The following NPAT variants were observed in gnomAD, a reference collection of about 807,000 sequenced individuals.
NPAT encodes nuclear protein, coactivator of histone transcription.
In NPAT, 52 loss-of-function variants were observed where a neutral mutation model predicts 130.7. The ratio of observed to expected loss-of-function variants is 0.40; its 90% confidence interval spans 0.32 to 0.50. NPAT has a LOEUF of 0.50. Ranked by LOEUF, NPAT falls within the 20% of genes least tolerant of loss-of-function variation. The pLI is 0.68. For synonymous variants in NPAT, 580 were observed against 584.8 expected (o/e 0.99, Z 0.12); for missense variants, 1,687 against 1,662.6 (o/e 1.01, Z -0.26).
At chr11:108,202,570 C>T (rs1225732567) in intron 1 of NPAT, among the ~76,000 whole-genome samples, 3 of 152,174 alleles carry the variant, frequency 2.0e-5, no homozygotes, top group Non-Finnish European at 4.4e-5. Context: ...TCAGCAAGCC[C>T]TCCACCTAGG....
chr11:108,181,055 A>G, intron 10 of NPAT, among the ~76,000 whole-genome samples: 1 of 152,230 alleles, frequency 6.6e-6, no homozygotes. Context: ...CAGGAGTTGT[A>G]AATAAGAGCT....
chr11:108,190,431 G>T (rs1591403099), intron 5 of NPAT, 29 bp downstream of exon 5: 2 of 1,569,906 alleles, frequency 1.3e-6, no homozygotes, highest in Non-Finnish European at 1.7e-6. Context: ...TGAAGTAATT[G>T]TGAACATTGT....
rs756830172 is a variant in NPAT, at chr11:108,172,268, A to G, written c.2716T>C (p.Leu906=). 2.5e-6 allele frequency: 4 copies of G among 1,613,978 alleles called. No individual in the cohort carries two copies. In the South Asian group the frequency reaches 3.3e-5, roughly 13 times the overall value. ...CTGTTTGACCTTGGTGGTGTCTGTA[A>G]CTGAGGTGGTAGAGGTTGAGCAGTC... ...PMTAQPLPPQ[L]QTPPRSNSVF... The change falls in exon 13 of 18, where the codon TTA becomes CTA. Residue 906 remains leucine, a synonymous_variant. Transcript: ENST00000278612.
At chr11:108,200,510 C>A (rs2078265267) in intron 1 of NPAT, among the ~76,000 whole-genome samples, 1 of 152,070 alleles carries the variant, frequency 6.6e-6, no homozygotes, top group South Asian at 2.1e-4. Flanking sequence ...ATTAATTAAC[C>A]CAGAAGTCTG....
intron 12 of NPAT, among the ~76,000 whole-genome samples, chr11:108,175,052 A>G (rs2077991460): frequency 6.6e-6 from 1 of 152,224 alleles, no homozygotes; most frequent in Non-Finnish European, 1.5e-5. Context: ...GCAGTCTCCC[A>G]TTATCTGTAG....
At chr11:108,177,525 T>C (rs1481861518) in intron 10 of NPAT, among the ~76,000 whole-genome samples, 6 of 152,134 alleles carry the variant, frequency 3.9e-5, no homozygotes, top group Admixed American at 2.6e-4. Context: ...ACTTTTTATG[T>C]AGTAGCATTC....
Position 108,172,930 on chromosome 11 carries a change from A to C in NPAT, c.2054T>G (p.Val685Gly), listed in dbSNP as rs749067330. ...AGTGCCTTCTGGAGGCGTCAGTGCAACTTTCTCACAGTTAGCATTTCCACC... is the reference window on the plus strand; with the variant it reads ...AGTGCCTTCTGGAGGCGTCAGTGCACCTTTCTCACAGTTAGCATTTCCACC... ...SLGGNANCEK[V>G]ALTPPEGTPV... The change falls in exon 13 of 18, where the codon GTT becomes GGT. Residue 685 changes from valine to glycine, a missense_variant. Transcript: ENST00000278612. 32 of 1,614,008 alleles carry C rather than the reference A, an allele frequency of 2.0e-5. No individual in the cohort carries two copies. The highest frequency in any genetic ancestry group is 2.7e-5 in the Non-Finnish European group (32 of 1,180,022).
At position 108,206,275 on chromosome 11, in the gene NPAT, TTGCC is replaced by T. The variant is rs201274988; in HGVS notation, c.38-8859_38-8856del. On this transcript the variant is annotated intron_variant, in intron 1 of 17. Transcript: ENST00000278612. ...GAAACCTCTGTGGCTGGTGGTGCCTTTGCCTGAGTTTTGCTAGGGCCTGCTGGGT... is the reference window on the plus strand; with the variant it reads ...GAAACCTCTGTGGCTGGTGGTGCCTTTGAGTTTTGCTAGGGCCTGCTGGGT... 6.1e-3 allele frequency among the ~76,000 whole-genome samples: 936 copies of T among 152,276 alleles called. 6 individuals are homozygous for T. The highest frequency in any genetic ancestry group is 0.012 in the East Asian group (61 of 5,180).
At chr11:108,212,012 C>G (rs1565328891) in intron 1 of NPAT, among the ~76,000 whole-genome samples, 1 of 151,832 alleles carries the variant, frequency 6.6e-6, no homozygotes, top group Non-Finnish European at 1.5e-5. Context: ...AATCCAACAC[C>G]CTTTCATGAT....
At chr11:108,183,467 T>C (rs555853826) in intron 10 of NPAT, among the ~76,000 whole-genome samples, 1 of 152,040 alleles carries the variant, frequency 6.6e-6, no homozygotes, top group Non-Finnish European at 1.5e-5. Flanking sequence ...ATGGTCCAAG[T>C]AAAAAGATGT....
chr11:108,186,630 T>G (rs1301722990), intron 7 of NPAT, 61 bp from the exon 8 acceptor site: 1 of 1,314,226 alleles, frequency 7.6e-7, no homozygotes, highest in Non-Finnish European at 1.1e-6. Context: ...TAAAGATAAA[T>G]ACATATACAG....
At chr11:108,195,620 A>G (rs1188147993) in intron 2 of NPAT, among the ~76,000 whole-genome samples, 1 of 139,970 alleles carries the variant, frequency 7.1e-6, no homozygotes, top group African/African-American at 2.5e-5. Flanking sequence ...TAAGATATAA[A>G]TATTTTCACC....
rs530463383 is a variant in NPAT at position 108,183,726 on chromosome 11, C to T, written c.906+1506G>A. Among the ~76,000 whole-genome samples the T allele has an allele frequency of 3.3e-5, 5 of 152,270 alleles. No homozygotes were observed. In the South Asian group the frequency reaches 8.3e-4, roughly 25 times the overall value. ...CTGAGGCAGGAGAATCGTTTGAACT[C>T]AGGAGTTGCAGTGAGCCAAGATCGT... On this transcript the variant is annotated intron_variant, in intron 10 of 17. Transcript: ENST00000278612.
At chr11:108,205,618 A>G (rs1298846395) in intron 1 of NPAT, among the ~76,000 whole-genome samples, 5 of 152,220 alleles carry the variant, frequency 3.3e-5, no homozygotes, top group African/African-American at 7.2e-5. Flanking sequence ...AACTTTAAAA[A>G]TTGTATGTTA....
At position 108,173,419 on chromosome 11, in the gene NPAT, T is replaced by C. The variant is rs890119288; in HGVS notation, c.1565A>G (p.Glu522Gly). 13 of 1,614,082 alleles carry C rather than the reference T, an allele frequency of 8.1e-6. No individual in the cohort carries two copies. Among genetic ancestry groups the C allele is most frequent in the Non-Finnish European group, 1.1e-5 (13 of 1,180,036 alleles). ...FVSLGCEANN[E>G]NLILSGKSSQ... is the part of the protein sequence containing the mutation. ...ACTCTTCCCAGAGAGAATTAAGTTTTCATTGTTAGCTTCACAACCAAGTGA... is the reference window on the plus strand; with the variant it reads ...ACTCTTCCCAGAGAGAATTAAGTTTCCATTGTTAGCTTCACAACCAAGTGA... Residue 522 changes from glutamate to glycine, a missense_variant, in exon 13 of 18, where the codon GAA (glutamate) becomes GGA (glycine). This residue lies in a region of NPAT where 1,379 missense variants were observed against 1,346.6 expected (regional missense o/e 1.02). Transcript: ENST00000278612.
chr11:108,214,648 T>C (rs77407068), intron 1 of NPAT, among the ~76,000 whole-genome samples: 1 of 151,768 alleles, frequency 6.6e-6, no homozygotes, highest in Non-Finnish European at 1.5e-5. Context: ...TTTTTTTTTT[T>C]TGAGATGGAG....
At chr11:108,175,899 G>A (rs1221118291) in intron 12 of NPAT, among the ~76,000 whole-genome samples, 28 of 152,218 alleles carry the variant, frequency 1.8e-4, no homozygotes, top group Non-Finnish European at 1.9e-4. Flanking sequence ...GCTCACACCT[G>A]TAATGCTACC....
At position 108,192,137 on chromosome 11, in the gene NPAT, G is replaced by A; in HGVS notation, c.271C>T (p.His91Tyr). The change falls in exon 4 of 18, where the codon CAT (histidine) becomes TAT (tyrosine). Residue 91 changes from histidine to tyrosine, a missense_variant. Physicochemically the swap from His to Tyr is moderately conservative, Grantham distance 83. This residue lies in a region of NPAT where 307 missense variants were observed against 298.9 expected (regional missense o/e 1.03). Coordinates refer to ENST00000278612, the MANE Select transcript of NPAT (RefSeq NM_002519.3). Reference sequence around the variant, plus strand: ...TATTACCTGATCTGAGAAAGTGTATGGTCCAATTTCTTCCATAGAGATGAC... The same window carrying A: ...TATTACCTGATCTGAGAAAGTGTATAGTCCAATTTCTTCCATAGAGATGAC... ...IMSSLWKKLD[H>Y]TLSQIRSMQS... 6.2e-7 allele frequency: 1 copy of A among 1,602,532 alleles called. No individual in the cohort carries two copies. Among genetic ancestry groups the A allele is most frequent in the Non-Finnish European group, 8.5e-7 (1 of 1,169,650 alleles).
chr11:108,165,468 A>AT (rs200288318), intron 15 of NPAT, among the ~76,000 whole-genome samples: 4,550 of 106,102 alleles, frequency 0.043, 179 homozygotes, highest in African/African-American at 0.13. Flanking sequence ...ATATATATAT[A>AT]TATATTTTTT....
Sources: gnomAD v4.1 joint callset for allele counts (sites outside exome capture counted in the v4.1 genomes callset) on GRCh38, gnomAD v4.1.1 for gene constraint, gnomAD v4.1.1 regional missense constraint, MANE v1.5 for transcripts, NCBI Gene and HGNC (gene_info 2026-07-23, HGNC 2026-07-21) for gene names.